SPRY3: variants seen among roughly 807,000 people sequenced by gnomAD.
The protein encoded by SPRY3 is protein sprouty homolog 3.
A neutral mutation model predicts 20.2 loss-of-function variants in SPRY3; 15 were observed. The ratio of observed to expected loss-of-function variants is 0.74; its 90% confidence interval spans 0.50 to 1.14. SPRY3 has a LOEUF of 1.14. Ranked by LOEUF, SPRY3 falls within the 50% of genes most tolerant of loss-of-function variation. The pLI is 0.00. For missense variants in SPRY3, 364 were observed against 363.9 expected (o/e 1.00, Z 0.00); for synonymous variants, 143 against 136.5 (o/e 1.05, Z -0.33).
chrX:155,718,731 T>C (rs2091037371), intron 2 of SPRY3, among the ~76,000 whole-genome samples: 1 of 152,142 alleles, frequency 6.6e-6, no homozygotes, highest in Non-Finnish European at 1.5e-5. Flanking sequence ...AAACACACTC[T>C]GATGTATTAA....
intron 1 of SPRY3, among the ~76,000 whole-genome samples, chrX:155,647,516 C>T (rs2067961805): frequency 9.1e-6 from 1 of 110,004 alleles, no homozygotes; most frequent in Admixed American, 9.7e-5. Context: ...CCCATATGGT[C>T]TCATTGCTCA....
chrX:155,754,407 A>G (rs2091275745), intron 2 of SPRY3, among the ~76,000 whole-genome samples: 1 of 152,040 alleles, frequency 6.6e-6, no homozygotes, highest in Non-Finnish European at 1.5e-5. Context: ...TCATAAACGT[A>G]AGGTTTTATT....
chrX:155,726,736 G>T (rs113847719), intron 2 of SPRY3, among the ~76,000 whole-genome samples: 1 of 152,040 alleles, frequency 6.6e-6, no homozygotes, highest in African/African-American at 2.4e-5. Flanking sequence ...TATGGGTCTC[G>T]TGAATACAGC....
intron 2 of SPRY3, among the ~76,000 whole-genome samples, chrX:155,707,876 C>A (rs1170868711): frequency 1.3e-5 from 2 of 151,054 alleles, no homozygotes; most frequent in Non-Finnish European, 3.0e-5. Context: ...TTGATAATAT[C>A]CACCTTTTGA....
intron 2 of SPRY3, among the ~76,000 whole-genome samples, chrX:155,694,825 C>T (rs2068113822): frequency 9.0e-6 from 1 of 110,753 alleles, no homozygotes; most frequent in African/African-American, 3.3e-5. Flanking sequence ...GCTGTTCTGA[C>T]AGGAGGTAGC....
Position 155,712,548 on chromosome X carries a change from T to G in SPRY3, c.-281-55414T>G, listed in dbSNP as rs748600830. ...TTGGCATGGAATATCATTTTCCATT[T>G]CTTTGTTTTCAGTCTATATGTATCT... is the stretch of plus-strand genomic sequence containing the variant. On this transcript the variant is annotated intron_variant, in intron 2 of 3. Transcript: ENST00000675360. 2.0e-5 allele frequency among the ~76,000 whole-genome samples: 3 copies of G among 152,108 alleles called. No individual in the cohort carries two copies. In the South Asian group the frequency reaches 6.2e-4, roughly 32 times the overall value.
downstream of SPRY3, chrX:155,781,600 C>A (rs1401702883): frequency 1.2e-5 from 2 of 167,086 alleles, no homozygotes; most frequent in South Asian, 4.2e-4. Context: ...CTGCTTCTAT[C>A]TCTACCCTAT....
exon 4 of SPRY3, chrX:155,774,905 C>A: frequency 2.7e-6 from 2 of 741,246 alleles, no homozygotes; most frequent in East Asian, 5.3e-5. Flanking sequence ...GTGCAGGATG[C>A]CTTGTTCTTT....
chrX:155,768,087 G>C (rs1569400554), exon 3 of SPRY3: 1 of 152,084 alleles, frequency 6.6e-6, no homozygotes, highest in Non-Finnish European at 1.5e-5. Context: ...GAGCCAGATG[G>C]GGCATTAGTT....
chrX:155,693,216 TTATAA>T (rs1013504886), intron 2 of SPRY3, among the ~76,000 whole-genome samples: 1 of 108,490 alleles, frequency 9.2e-6, no homozygotes, highest in Non-Finnish European at 1.9e-5. Flanking sequence ...CTAATGCCTC[TTATAA>T]TTTATTATTT....
chrX:155,775,674 T>C (rs1189895710), exon 4 of SPRY3: 1 of 167,070 alleles, frequency 6.0e-6, no homozygotes, highest in East Asian at 1.9e-4. Flanking sequence ...AATCAACTTA[T>C]AGTGCTGACA....
intron 2 of SPRY3, among the ~76,000 whole-genome samples, chrX:155,742,845 G>A (rs1462308515): frequency 1.3e-5 from 2 of 152,060 alleles, no homozygotes; most frequent in African/African-American, 2.4e-5. Context: ...AGTGTTAAGA[G>A]GGATATTCAC....
chrX:155,680,876 G>A (rs150238120), intron 2 of SPRY3, among the ~76,000 whole-genome samples: 1,445 of 111,153 alleles, frequency 0.013, 25 homozygotes, highest in African/African-American at 0.045. Flanking sequence ...GATTGTGATC[G>A]GTGATCTTTG....
chrX:155,740,170 C>A (rs1245236592), intron 2 of SPRY3, among the ~76,000 whole-genome samples: 2 of 152,134 alleles, frequency 1.3e-5, no homozygotes, highest in East Asian at 1.9e-4. Flanking sequence ...ATCTCTTAAT[C>A]CTATTATCTT....
intron 2 of SPRY3, among the ~76,000 whole-genome samples, chrX:155,727,188 G>C (rs1183435223): frequency 6.6e-6 from 1 of 152,118 alleles, no homozygotes; most frequent in South Asian, 2.1e-4. Context: ...AGTCTGATGG[G>C]CTTCCTTTTG....
intron 1 of SPRY3, among the ~76,000 whole-genome samples, chrX:155,639,001 C>T (rs782722662): frequency 5.4e-5 from 6 of 111,529 alleles, no homozygotes; most frequent in Non-Finnish European, 1.1e-4. Context: ...CTCTACAGGA[C>T]TCACTCCTTT....
At chrX:155,774,428 C>G (rs1162574313) in exon 4 of SPRY3, 2 of 1,613,886 alleles carry the variant, frequency 1.2e-6, no homozygotes, top group African/African-American at 2.7e-5. Flanking sequence ...GATTATGGCA[C>G]TTGTCTCTGC....
chrX:155,763,631 GAC>G (rs1313099004), intron 2 of SPRY3, among the ~76,000 whole-genome samples: 1 of 152,028 alleles, frequency 6.6e-6, no homozygotes, highest in Non-Finnish European at 1.5e-5. Flanking sequence ...TCTTACATAA[GAC>G]AGTTTGAATG....
chrX:155,643,270 T>G (rs1276014435), intron 1 of SPRY3, among the ~76,000 whole-genome samples: 2 of 112,172 alleles, frequency 1.8e-5, no homozygotes, highest in Non-Finnish European at 3.8e-5. Flanking sequence ...GAAATCAATT[T>G]TGTCTGATGT....
Sources: allele counts gnomAD v4.1 joint callset (sites outside exome capture counted in the v4.1 genomes callset), GRCh38; gene constraint gnomAD v4.1.1; transcripts MANE v1.5; gene names NCBI Gene and HGNC (gene_info 2026-07-23, HGNC 2026-07-21).